Variants in BEND7 observed in about 807,000 individuals in gnomAD.
BEND7 encodes BEN domain containing 7.
BEND7 carries 28 observed loss-of-function variants against 50.9 expected under a neutral mutation model. The ratio of observed to expected loss-of-function variants is 0.55; its 90% confidence interval spans 0.41 to 0.75. The LOEUF (loss-of-function observed/expected upper bound fraction) is 0.75. BEND7 is among the 30% of genes least tolerant of loss of function. The pLI is 0.00. For synonymous variants in BEND7, 170 were observed against 183.9 expected (o/e 0.92, Z 0.61); for missense variants, 477 against 491.3 (o/e 0.97, Z 0.28).
rs1210070392 is a variant in BEND7, at chr10:13,492,702, T to C, written c.746A>G (p.Glu249Gly). The C allele has an allele frequency of 6.2e-7, 1 of 1,614,152 alleles. No individual in the cohort carries two copies. Among genetic ancestry groups the C allele is most frequent in the South Asian group, 1.1e-5 (1 of 91,082 alleles). ...EMEKKSVVAS[E>G]LSALQAAEHT... ...CTCGGCTGCCTGGAGAGCAGATAGC[T>C]CAGAGGCCACCACCGACTTTTTCTC... Residue 249 changes from glutamate to glycine, a missense_variant, in exon 5 of 9, where the codon GAG (glutamate) becomes GGG (glycine). Transcript: ENST00000466271.
At chr10:13,456,898 A>G (rs1358757569) in intron 6 of BEND7, among the ~76,000 whole-genome samples, 1 of 152,258 alleles carries the variant, frequency 6.6e-6, no homozygotes, top group East Asian at 1.9e-4. Context: ...ATCTATTTAA[A>G]GAAGCAAGGT....
At position 13,468,746 on chromosome 10, in the gene BEND7, A is replaced by G. The variant is rs74122740; in HGVS notation, c.1063+12153T>C. Among the ~76,000 whole-genome samples, 949 of 152,344 alleles carry G rather than the reference A, an allele frequency of 6.2e-3. 8 individuals are homozygous for G. Among genetic ancestry groups the G allele is most frequent in the African/African-American group, 0.022 (926 of 41,574 alleles). ...GAGAGGAGGGACAAAAGGAGTTGAT[A>G]GGGCCAGGTAATTGAGCAGGGTGAG... On this transcript the variant is annotated intron_variant, in intron 6 of 8. Transcript: ENST00000466271.
downstream of BEND7, among the ~76,000 whole-genome samples, chr10:13,439,923 C>G (rs2130777916): frequency 6.6e-6 from 1 of 152,334 alleles, no homozygotes; most frequent in East Asian, 1.9e-4. Context: ...TCCCCTCTCG[C>G]CCGTCTTTTC....
At chr10:13,442,016 C>A in intron 8 of BEND7, 2 of 485,404 alleles carry the variant, frequency 4.1e-6, no homozygotes, top group Non-Finnish European at 7.3e-6. Context: ...TTTGGTGGAA[C>A]AGGGATTTAT....
At chr10:13,473,745 C>T (rs903766074) in intron 6 of BEND7, among the ~76,000 whole-genome samples, 2 of 151,728 alleles carry the variant, frequency 1.3e-5, no homozygotes, top group Non-Finnish European at 2.9e-5. Context: ...CTATTAGACT[C>T]GGGGTTGATA....
At chr10:13,449,573 C>T (rs146312949) in intron 7 of BEND7, among the ~76,000 whole-genome samples, 169 of 152,304 alleles carry the variant, frequency 1.1e-3, no homozygotes, top group African/African-American at 3.9e-3. Context: ...CCATATGCAT[C>T]GATATGAGCT....
At chr10:13,511,751 T>C (rs2078288976) in intron 2 of BEND7, among the ~76,000 whole-genome samples, 1 of 152,230 alleles carries the variant, frequency 6.6e-6, no homozygotes, top group South Asian at 2.1e-4. Flanking sequence ...GTAAGCACCC[T>C]GCCTACATTG....
At chr10:13,457,086 C>T (rs1324190206) in intron 6 of BEND7, among the ~76,000 whole-genome samples, 2 of 152,176 alleles carry the variant, frequency 1.3e-5, no homozygotes, top group Non-Finnish European at 2.9e-5. Flanking sequence ...ACACATCTCC[C>T]CCCTTGTAAT....
At chr10:13,457,118 C>G (rs1839150967) in intron 6 of BEND7, among the ~76,000 whole-genome samples, 1 of 152,196 alleles carries the variant, frequency 6.6e-6, no homozygotes, top group South Asian at 2.1e-4. Context: ...AGTTAATTTC[C>G]ATAGCAACCC....
intron 2 of BEND7, among the ~76,000 whole-genome samples, chr10:13,505,414 T>C (rs1340798979): frequency 6.6e-6 from 1 of 152,184 alleles, no homozygotes; most frequent in Non-Finnish European, 1.5e-5. Flanking sequence ...ACAGGAAACC[T>C]GTGTGGATAA....
downstream of BEND7, chr10:13,439,290 T>A: frequency 6.2e-7 from 1 of 1,614,216 alleles, no homozygotes; most frequent in South Asian, 1.1e-5. Context: ...GAGGAATGAA[T>A]GGTGCTTGAA....
intron 5 of BEND7, among the ~76,000 whole-genome samples, chr10:13,487,390 T>G (rs907365666): frequency 4.1e-5 from 6 of 147,140 alleles, no homozygotes; most frequent in Non-Finnish European, 7.5e-5. Context: ...TTTCTTTTCT[T>G]TTTTTTTTTT....
intron 2 of BEND7, among the ~76,000 whole-genome samples, chr10:13,508,802 G>T (rs1398264433): frequency 6.6e-6 from 1 of 152,232 alleles, no homozygotes; most frequent in African/African-American, 2.4e-5. Flanking sequence ...CCCTTCAGGA[G>T]TTTACAGCCT....
intron 6 of BEND7, among the ~76,000 whole-genome samples, chr10:13,470,390 G>C (rs2074693613): frequency 1.3e-5 from 2 of 152,226 alleles, no homozygotes; most frequent in Admixed American, 6.5e-5. Flanking sequence ...TTATGCTCCA[G>C]AAACATATCT....
intron 6 of BEND7, among the ~76,000 whole-genome samples, chr10:13,473,312 T>C (rs1302912913): frequency 6.6e-6 from 1 of 151,734 alleles, no homozygotes; most frequent in African/African-American, 2.4e-5. Flanking sequence ...CCGTCATCGC[T>C]GTTAGACTCG....
At chr10:13,444,573 C>G (rs1463976991) in intron 8 of BEND7, 9 of 152,178 alleles carry the variant, frequency 5.9e-5, no homozygotes, top group African/African-American at 2.2e-4. Flanking sequence ...TATCAGAGCC[C>G]TTGGTCGATC....
intron 6 of BEND7, among the ~76,000 whole-genome samples, chr10:13,473,172 A>G (rs895487044): frequency 3.9e-4 from 57 of 144,894 alleles, no homozygotes; most frequent in African/African-American, 1.2e-3. Flanking sequence ...TAGACTCAGG[A>G]CCAATATCAT....
At chr10:13,527,174 CCAGA>C (rs1230565495) in intron 1 of BEND7, among the ~76,000 whole-genome samples, 7 of 152,124 alleles carry the variant, frequency 4.6e-5, no homozygotes, top group Non-Finnish European at 2.9e-5. Context: ...GGGCAATCAC[CCAGA>C]CAGAGACTTT....
chr10:13,455,634 G>A (rs193115973), intron 6 of BEND7, among the ~76,000 whole-genome samples: 238 of 152,184 alleles, frequency 1.6e-3, no homozygotes, highest in African/African-American at 5.5e-3. Flanking sequence ...AGGAGGAGAC[G>A]GTCAAAGGCA....
Sources: gnomAD v4.1 joint callset for allele counts (sites outside exome capture counted in the v4.1 genomes callset) on GRCh38, gnomAD v4.1.1 for gene constraint, MANE v1.5 for transcripts, NCBI Gene and HGNC (gene_info 2026-07-23, HGNC 2026-07-21) for gene names.